Variants in XIRP2 observed in about 807,000 individuals in gnomAD.
XIRP2 encodes the protein xin actin binding repeat containing 2.
A neutral mutation model predicts 277.0 loss-of-function variants in XIRP2; 236 were observed. The ratio of observed to expected loss-of-function variants is 0.85; its 90% CI spans 0.77 to 0.95. XIRP2 has a LOEUF of 0.95. Among genes scored for constraint, XIRP2 ranks in the 40% least tolerant of loss-of-function variants. The probability of loss-of-function intolerance (pLI) is 0.00; values close to 1 mark genes in which losing one functional copy is unlikely to be tolerated. For synonymous variants in XIRP2, 1,490 were observed against 1,416.5 expected (o/e 1.05, Z -1.17); for missense variants, 4,640 against 4,157.5 (o/e 1.12, Z -3.19).
rs186980014 is a variant in XIRP2, at chr2:167,254,126, A to C, written c.10650A>C (p.Ter3550TyrextTer11). The change falls in exon 10 of 11, where the codon TAA becomes TAC. Residue 3550 changes from the stop codon to tyrosine, a stop_lost. Transcript: ENST00000409195. ...GTGGCAGACAAGCAGAATTTTCATA[A>C]GTCCTGCTTCCGATGCCACCATTGC... ...VPSGRQAEFS[*>Y] 6.2e-7 allele frequency: 1 copy of C among 1,610,736 alleles called. No homozygotes were observed.
chr2:166,908,595 G>A (rs539643020), intron 2 of XIRP2, among the ~76,000 whole-genome samples: 98 of 152,136 alleles, frequency 6.4e-4, no homozygotes, highest in African/African-American at 2.0e-3. Context: ...AGTTTCTTTT[G>A]CTGTGCAGAA....
chr2:167,232,919 C>T (rs371066403), intron 5 of XIRP2, among the ~76,000 whole-genome samples: 1 of 151,786 alleles, frequency 6.6e-6, no homozygotes, highest in Non-Finnish European at 1.5e-5. Context: ...ATGTCAGGCA[C>T]GAAAGATTCA....
intron 2 of XIRP2, among the ~76,000 whole-genome samples, chr2:166,928,017 T>C (rs1173166281): frequency 6.6e-6 from 1 of 152,122 alleles, no homozygotes; most frequent in Non-Finnish European, 1.5e-5. Flanking sequence ...GTTGAAAATA[T>C]GTAAATTTTT....
At chr2:167,144,177 A>G (rs567383411) in intron 3 of XIRP2, among the ~76,000 whole-genome samples, 87 of 152,314 alleles carry the variant, frequency 5.7e-4, no homozygotes, top group African/African-American at 1.9e-3. Context: ...GTGAAAACAC[A>G]GATAATAATA....
At chr2:166,917,979 A>G (rs927323528) in intron 2 of XIRP2, among the ~76,000 whole-genome samples, 2 of 152,184 alleles carry the variant, frequency 1.3e-5, no homozygotes, top group African/African-American at 2.4e-5. Context: ...CAAGCAGAAT[A>G]ATTGTAGAAG....
chr2:167,093,007 A>G (rs1363391652), intron 2 of XIRP2, among the ~76,000 whole-genome samples: 2 of 152,188 alleles, frequency 1.3e-5, no homozygotes, highest in Non-Finnish European at 2.9e-5. Context: ...CAGATGTTGA[A>G]GTAAACCATA....
intron 2 of XIRP2, among the ~76,000 whole-genome samples, chr2:167,034,686 C>A (rs1688464467): frequency 6.6e-6 from 1 of 152,096 alleles, no homozygotes; most frequent in Admixed American, 6.6e-5. Context: ...TTAGAAGAGA[C>A]AAACAAGGGC....
rs188421142 is a variant in XIRP2 at position 167,116,627 on chromosome 2, T to G, written c.409-19282T>G. Reference sequence around the variant, plus strand: ...TGGTGTGATTAGATCATTTACATTTTGTGTGATTATTGATATGTTAGACTT... The same window carrying G: ...TGGTGTGATTAGATCATTTACATTTGGTGTGATTATTGATATGTTAGACTT... On this transcript the variant is annotated intron_variant, in intron 2 of 10. Coordinates refer to ENST00000409195, the MANE Select transcript of XIRP2 (RefSeq NM_152381.6). Among the ~76,000 whole-genome samples the G allele has an allele frequency of 5.0e-4, 76 of 152,362 alleles. 2 individuals carry two copies. In the East Asian group the frequency reaches 0.014, roughly 28 times the overall value.
intron 2 of XIRP2, among the ~76,000 whole-genome samples, chr2:166,996,548 C>A (rs1017514673): frequency 2.0e-5 from 3 of 152,040 alleles, no homozygotes; most frequent in African/African-American, 7.3e-5. Flanking sequence ...AATTGCTTGA[C>A]CCCAGGAGGC....
rs368514258 is a variant in XIRP2 at position 166,985,209 on chromosome 2, G to A, written c.408+81319G>A. On this transcript the variant is annotated intron_variant, in intron 2 of 10. Transcript: ENST00000409195. ...AAAATGGAAATCAATTAGAATAGCAGTTAAAGCAATTGCAAGTACAGCTTA... is the reference window on the plus strand; with the variant it reads ...AAAATGGAAATCAATTAGAATAGCAATTAAAGCAATTGCAAGTACAGCTTA... Among the ~76,000 whole-genome samples the A allele has an allele frequency of 1.9e-4, 29 of 152,196 alleles. No homozygotes were observed. In the South Asian group the frequency reaches 2.5e-3, roughly 13 times the overall value.
intron 2 of XIRP2, among the ~76,000 whole-genome samples, chr2:167,011,330 A>T (rs377458714): frequency 7.9e-5 from 12 of 151,170 alleles, no homozygotes; most frequent in South Asian, 6.3e-4. Flanking sequence ...TTGAGATAAT[A>T]ATGTGGTTTT....
chr2:167,122,505 C>T lies in XIRP2; in HGVS notation c.409-13404C>T, dbSNP rs184857540. Among the ~76,000 whole-genome samples the T allele has an allele frequency of 1.2e-3, 186 of 152,254 alleles. 1 individual carries two copies. The highest frequency in any genetic ancestry group is 2.0e-3 in the Non-Finnish European group (137 of 68,030). ...CCCATGGTGAATGGTGACGTCGTTT[C>T]CAGCACCAGAATGAAAAATGTGTAG... On this transcript the variant is annotated intron_variant, in intron 2 of 10. Coordinates refer to ENST00000409195, the MANE Select transcript of XIRP2 (RefSeq NM_152381.6).
intron 2 of XIRP2, among the ~76,000 whole-genome samples, chr2:166,904,289 T>C (rs1218059706): frequency 2.6e-5 from 4 of 152,170 alleles, no homozygotes; most frequent in Non-Finnish European, 5.9e-5. Context: ...GATGCTGACA[T>C]GGAATAAATG....
chr2:166,920,636 T>C (rs1026311391), intron 2 of XIRP2, among the ~76,000 whole-genome samples: 22 of 152,306 alleles, frequency 1.4e-4, no homozygotes, highest in African/African-American at 4.8e-4. Context: ...TAAAGTTGTT[T>C]TACTTTTGAT....
At chr2:166,982,283 G>T (rs1574135539) in intron 2 of XIRP2, among the ~76,000 whole-genome samples, 3 of 147,126 alleles carry the variant, frequency 2.0e-5, no homozygotes, top group African/African-American at 2.5e-5. Context: ...ATTTATCTTT[G>T]GTTTTCAGCA....
intron 2 of XIRP2, among the ~76,000 whole-genome samples, chr2:166,913,319 C>A (rs201609968): frequency 1.1e-4 from 8 of 75,298 alleles, no homozygotes; most frequent in African/African-American, 1.5e-4. Flanking sequence ...CACCCCCCCC[C>A]CCCAGCCTCG....
chr2:166,956,665 C>A (rs1325521981), intron 2 of XIRP2, among the ~76,000 whole-genome samples: 1 of 151,768 alleles, frequency 6.6e-6, no homozygotes. Flanking sequence ...ATCATCTTAA[C>A]CACGTAGCTT....
intron 5 of XIRP2, among the ~76,000 whole-genome samples, chr2:167,223,089 G>A (rs1694478609): frequency 6.6e-6 from 1 of 152,082 alleles, no homozygotes; most frequent in Non-Finnish European, 1.5e-5. Flanking sequence ...CTTAGGATTT[G>A]ACTTTCATCT....
chr2:166,945,205 G>A (rs1381340828), intron 2 of XIRP2, among the ~76,000 whole-genome samples: 1 of 152,148 alleles, frequency 6.6e-6, no homozygotes, highest in Non-Finnish European at 1.5e-5. Context: ...AGGAGTATGA[G>A]AAAGTCTTCT....
Sources: gnomAD v4.1 joint callset for allele counts (sites outside exome capture counted in the v4.1 genomes callset) on GRCh38, gnomAD v4.1.1 for gene constraint, MANE v1.5 for transcripts, NCBI Gene and HGNC (gene_info 2026-07-23, HGNC 2026-07-21) for gene names.